ALG9: variants seen among roughly 807,000 people sequenced by gnomAD.
ALG9 encodes alpha-1,2-mannosyltransferase ALG9.
ALG9 carries 55 observed loss-of-function variants against 81.8 expected under a neutral mutation model. The ratio of observed to expected loss-of-function variants is 0.67; its 90% CI spans 0.54 to 0.84. The LOEUF is 0.84. Among genes scored for constraint, ALG9 ranks in the 40% least tolerant of loss-of-function variants. ALG9 has a pLI of 0.00. For missense variants in ALG9, 629 were observed against 745.0 expected (o/e 0.84, Z 1.81); for synonymous variants, 278 against 274.3 (o/e 1.01, Z -0.13).
At chr11:111,869,603 AG>A (rs1210413332) in intron 2 of ALG9, among the ~76,000 whole-genome samples, 3 of 152,046 alleles carry the variant, frequency 2.0e-5, no homozygotes, top group Non-Finnish European at 4.4e-5. Context: ...AAAAAAAAAA[AG>A]AAAATTACAA....
intron 5 of ALG9, among the ~76,000 whole-genome samples, chr11:111,859,663 C>T (rs566178433): frequency 6.6e-6 from 1 of 152,148 alleles, no homozygotes; most frequent in South Asian, 2.1e-4. Context: ...GCAGAGGAAT[C>T]TGAGGGTAGA....
At chr11:111,780,324 C>A (rs1945858428), downstream of ALG9, among the ~76,000 whole-genome samples, 1 of 151,858 alleles carries the variant, frequency 6.6e-6, no homozygotes, top group African/African-American at 2.4e-5. Context: ...GAAATATAAA[C>A]ATTCATATCT....
intron 8 of ALG9, among the ~76,000 whole-genome samples, chr11:111,846,965 C>T (rs1366679638): frequency 1.3e-5 from 2 of 152,076 alleles, no homozygotes; most frequent in African/African-American, 4.8e-5. Context: ...ACCCATCCTC[C>T]TCTTTATGGA....
At chr11:111,841,780 A>G (rs1255458026) in intron 9 of ALG9, among the ~76,000 whole-genome samples, 1 of 152,180 alleles carries the variant, frequency 6.6e-6, no homozygotes, top group Non-Finnish European at 1.5e-5. Flanking sequence ...AAGGATAAAA[A>G]TTCTTGAACT....
chr11:111,801,081 G>A (rs1389713687), intron 14 of ALG9, among the ~76,000 whole-genome samples: 2 of 152,130 alleles, frequency 1.3e-5, no homozygotes, highest in Non-Finnish European at 2.9e-5. Flanking sequence ...GGTCTAAGAC[G>A]TAAATGACCA....
At chr11:111,795,706 G>A (rs906243364) in intron 14 of ALG9, among the ~76,000 whole-genome samples, 15 of 152,260 alleles carry the variant, frequency 9.9e-5, no homozygotes, top group African/African-American at 3.4e-4. Flanking sequence ...GGCATCGTGA[G>A]ACTGGTATAC....
chr11:111,864,424 T>C (rs908218233), intron 4 of ALG9: 1 of 763,768 alleles, frequency 1.3e-6, no homozygotes, highest in Middle Eastern at 2.4e-4. Context: ...CAAGTACAAA[T>C]CCCTTCAGAC....
At position 111,804,475 on chromosome 11, in the gene ALG9, G is replaced by A. The variant is rs553917767; in HGVS notation, c.1733+5168C>T. ...GTGTGGTGGCTCATGCCTGTAATCC[G>A]AGCGCTTTCGGGGGCTGAGGCGAGA... On this transcript the variant is annotated intron_variant, in intron 14 of 14. Coordinates refer to ENST00000616540, the MANE Select transcript of ALG9 (RefSeq NM_024740.2). 3.7e-4 allele frequency among the ~76,000 whole-genome samples: 57 copies of A among 152,020 alleles called. 1 individual carries two copies. The highest frequency in any genetic ancestry group is 1.7e-3 in the East Asian group (9 of 5,174).
the ALG9 span, among the ~76,000 whole-genome samples, chr11:111,776,572 A>G: frequency 1.3e-5 from 2 of 152,222 alleles, no homozygotes; most frequent in Non-Finnish European, 2.9e-5. Context: ...TGGGCAACAG[A>G]GCGAGACTCT....
At position 111,837,598 on chromosome 11, in the gene ALG9, C is replaced by G; in HGVS notation, c.1342G>C (p.Asp448His). The G allele has an allele frequency of 1.2e-6, 2 of 1,614,050 alleles. No homozygotes were observed. The highest frequency in any genetic ancestry group is 1.7e-6 in the Non-Finnish European group (2 of 1,179,986). The change falls in exon 12 of 15, where the codon GAT becomes CAT. Residue 448 changes from aspartate (D) to histidine (H), a missense_variant. Coordinates refer to ENST00000616540, the MANE Select transcript of ALG9 (RefSeq NM_024740.2). Reference protein sequence around the residue: ...ALFRGYHGPLDLYPEFYRIAT... With the variant: ...ALFRGYHGPLHLYPEFYRIAT... Reference sequence around the variant, plus strand: ...ATTCGGTAAAATTCTGGATACAAATCAAGGGGCCCGTGATATCCTGGAAGG... The same window carrying G: ...ATTCGGTAAAATTCTGGATACAAATGAAGGGGCCCGTGATATCCTGGAAGG...
Position 111,871,268 on chromosome 11 carries a change from C to G in ALG9, c.131+84G>C, listed in dbSNP as rs1964209201. 2.2e-6 allele frequency: 3 copies of G among 1,334,726 alleles called. No homozygotes were observed. In the African/African-American group the frequency reaches 4.7e-5, roughly 21 times the overall value. 82.7% of individuals were successfully genotyped at this position (1,334,726 alleles called of 1,614,324 possible). A position where few individuals can be genotyped will look rare whatever the true frequency, so the allele number is the denominator to read the frequency against. On this transcript the variant is annotated intron_variant, in intron 1 of 14. Coordinates refer to ENST00000616540, the MANE Select transcript of ALG9 (RefSeq NM_024740.2). ...GGTGAGGCCAGGCCGGACTGAGCCCCGCGCGCCACAGCTAAGACCCTCCCG... is the reference window on the plus strand; with the variant it reads ...GGTGAGGCCAGGCCGGACTGAGCCCGGCGCGCCACAGCTAAGACCCTCCCG...
chr11:111,814,012 T>C (rs1420836223), intron 13 of ALG9, among the ~76,000 whole-genome samples: 3 of 152,212 alleles, frequency 2.0e-5, no homozygotes, highest in Admixed American at 1.3e-4. Context: ...AAATGGTAAT[T>C]CATATGGTTC....
At chr11:111,805,739 A>G (rs1327176727) in intron 14 of ALG9, among the ~76,000 whole-genome samples, 1 of 152,244 alleles carries the variant, frequency 6.6e-6, no homozygotes, top group Non-Finnish European at 1.5e-5. Context: ...GACACATGAC[A>G]TTATATGCCA....
At chr11:111,787,291 G>A (rs1249748972) in intron 14 of ALG9, among the ~76,000 whole-genome samples, 7 of 151,644 alleles carry the variant, frequency 4.6e-5, no homozygotes, top group Non-Finnish European at 7.4e-5. Context: ...AAATTAGCCA[G>A]GCATGGTGGT....
At chr11:111,769,915 C>T in the ALG9 span, among the ~76,000 whole-genome samples, 1 of 152,098 alleles carries the variant, frequency 6.6e-6, no homozygotes, top group African/African-American at 2.4e-5. Context: ...CAATTTTGGA[C>T]TTCAGTTCCC....
intron 13 of ALG9, 26 bp from the exon 14 acceptor site, chr11:111,809,799 C>G (rs781899615): frequency 1.9e-6 from 3 of 1,613,230 alleles, no homozygotes; most frequent in Non-Finnish European, 2.5e-6. Flanking sequence ...GCCAACTCTT[C>G]ATTAGTAATT....
At chr11:111,830,675 A>G (rs1349876848) in intron 13 of ALG9, among the ~76,000 whole-genome samples, 2 of 152,200 alleles carry the variant, frequency 1.3e-5, no homozygotes, top group Non-Finnish European at 2.9e-5. Flanking sequence ...GGAAACAAAT[A>G]GGGCAAGTTA....
At position 111,783,290 on chromosome 11, in the gene ALG9, A is replaced by T. The variant is rs1447295676; in HGVS notation, c.*3107T>A. On this transcript the variant is annotated 3_prime_UTR_variant, in exon 15 of 15. Coordinates refer to ENST00000616540, the MANE Select transcript of ALG9 (RefSeq NM_024740.2). ...GCCAACATGGTAAAACCCCACCTCT[A>T]CTAAAAATACAAAAATTAGCTGAGT... 3.3e-5 allele frequency: 5 copies of T among 152,192 alleles called. No homozygotes were observed. Among genetic ancestry groups the T allele is most frequent in the African/African-American group, 1.2e-4 (5 of 41,400 alleles). 9.4% of individuals were successfully genotyped at this position (152,192 alleles called of 1,614,324 possible). A position where few individuals can be genotyped will look rare whatever the true frequency, so the allele number is the denominator to read the frequency against.
chr11:111,860,609 T>C lies in ALG9; in HGVS notation c.503A>G (p.His168Arg). The change falls in exon 5 of 15, where the codon CAC becomes CGC. Residue 168 changes from histidine to arginine, a missense_variant. Physicochemically the swap from His to Arg is conservative, Grantham distance 29. Around this residue, in one of 3 missense-constraint regions of ALG9, gnomAD observed 344 missense variants for 390.5 expected, o/e 0.88. Coordinates refer to ENST00000616540, the MANE Select transcript of ALG9 (RefSeq NM_024740.2). ...YKAVCKKFGL[H>R]VSRMMLAFLV... ...GAAGGCTAGCATCATTCGACTCACG[T>C]GCAACCCAAACTTCTTGCACACAGC... The C allele has an allele frequency of 1.2e-6, 2 of 1,614,002 alleles. No individual in the cohort carries two copies. Among genetic ancestry groups the C allele is most frequent in the Non-Finnish European group, 1.7e-6 (2 of 1,179,946 alleles).
Sources: allele counts gnomAD v4.1 joint callset (sites outside exome capture counted in the v4.1 genomes callset), GRCh38; gene constraint gnomAD v4.1.1; regional missense constraint gnomAD v4.1.1; transcripts MANE v1.5; gene names NCBI Gene and HGNC (gene_info 2026-07-23, HGNC 2026-07-21).